Variants in PIK3CA observed in about 807,000 individuals in gnomAD.
PIK3CA encodes phosphatidylinositol 4,5-bisphosphate 3-kinase catalytic subunit alpha isoform.
PIK3CA carries 27 observed loss-of-function variants against 138.2 expected under a neutral mutation model. The ratio of observed to expected loss-of-function variants is 0.20; its 90% CI spans 0.14 to 0.27. PIK3CA has a LOEUF of 0.27. Among genes scored for constraint, PIK3CA ranks in the 10% least tolerant of loss-of-function variants. PIK3CA has a pLI of 1.00. For synonymous variants in PIK3CA, 358 were observed against 413.2 expected (o/e 0.87, Z 1.62); for missense variants, 544 against 1,277.4 (o/e 0.43, Z 8.75).
intron 4 of PIK3CA, among the ~76,000 whole-genome samples, chr3:179,202,376 G>A (rs977105210): frequency 8.5e-5 from 13 of 152,058 alleles, no homozygotes; most frequent in Admixed American, 7.9e-4. Context: ...AGCCTATTTC[G>A]TGATTTTTAT....
In PIK3CA at chr3:179,240,073, T is replaced by TAA; in HGVS notation, c.*5719_*5720dup. ...CAGTCTGTAACATCACGCTGTTTAT[T>TAA]AAAAAAAAAAAGAAAAATTACTTTT... On this transcript the variant is annotated 3_prime_UTR_variant, in exon 21 of 21. Coordinates refer to ENST00000263967, the MANE Select transcript of PIK3CA (RefSeq NM_006218.4). The TAA allele has an allele frequency of 7.0e-5, 85 of 1,215,718 alleles. No individual in the cohort carries two copies. The highest frequency in any genetic ancestry group is 2.1e-4 in the Middle Eastern group (1 of 4,858). The allele number at this position is 1,215,718 out of a possible 1,614,324, so 75.3% of individuals were successfully genotyped here.
intron 1 of PIK3CA, among the ~76,000 whole-genome samples, chr3:179,171,420 A>C (rs143183426): frequency 6.6e-6 from 1 of 152,154 alleles, no homozygotes; most frequent in Non-Finnish European, 1.5e-5. Flanking sequence ...TACCAAAGTA[A>C]GTAGAAGAAA....
At position 179,199,911 on chromosome 3, in the gene PIK3CA, ACTAAT is replaced by A; in HGVS notation, c.562+16_562+20del. 1 of 1,445,628 alleles carries A rather than the reference ACTAAT, an allele frequency of 6.9e-7. No homozygotes were observed. Among genetic ancestry groups the A allele is most frequent in the Non-Finnish European group, 9.7e-7 (1 of 1,027,650 alleles). 89.6% of individuals were successfully genotyped at this position (1,445,628 alleles called of 1,614,324 possible). On this transcript the variant is annotated intron_variant, in intron 3 of 20. Transcript: ENST00000263967. ...TAAATTAGATAAAGGTAAGAAAATG[ACTAAT>A]CTACTCTAATCATTACTATAGTGCA...
At chr3:179,177,991 G>A (rs61796465) in intron 1 of PIK3CA, among the ~76,000 whole-genome samples, 14,955 of 151,230 alleles carry the variant, frequency 0.099, 1,180 homozygotes, top group African/African-American at 0.21. Context: ...TTTAATCCCA[G>A]TGCTCTGGGA....
Position 179,170,056 on chromosome 3 carries a change from GC to G in PIK3CA, c.-77+21454del, listed in dbSNP as rs202195878. Among the ~76,000 whole-genome samples, 234 of 120,006 alleles carry G rather than the reference GC, an allele frequency of 1.9e-3. 1 individual carries two copies. The East Asian group carries it at 0.034, about 17-fold the overall frequency. 78.7% of individuals were successfully genotyped at this position (120,006 alleles called of 152,430 possible). A position where few individuals can be genotyped will look rare whatever the true frequency, so the allele number is the denominator to read the frequency against. Reference sequence around the variant, plus strand: ...CTTTCTCCAGCACAGACATGCACATGCGCGTGCACACGCGCGCGCGCACACA... The same window carrying G: ...CTTTCTCCAGCACAGACATGCACATGGCGTGCACACGCGCGCGCGCACACA... On this transcript the variant is annotated intron_variant, in intron 1 of 20. Transcript: ENST00000263967.
At chr3:179,221,190 T>A (rs1401491792) in intron 14 of PIK3CA, 33 bp downstream of exon 14, 6 of 1,524,904 alleles carry the variant, frequency 3.9e-6, no homozygotes, top group Non-Finnish European at 5.5e-6. Context: ...TGAGACTCTT[T>A]TCACTGCAGT....
rs1725026136 is a variant in PIK3CA, at chr3:179,224,063, T to TC, written c.2188-16dup. The TC allele has an allele frequency of 1.5e-6, 2 of 1,367,696 alleles. No homozygotes were observed. Among genetic ancestry groups the TC allele is most frequent in the South Asian group, 1.2e-5 (1 of 83,646 alleles). The allele number at this position is 1,367,696 out of a possible 1,614,324, so 84.7% of individuals were successfully genotyped here. On this transcript the variant is annotated splice_polypyrimidine_tract_variant and intron_variant, in intron 14 of 20. Transcript: ENST00000263967. ...TTAAGTCAGTTTCTTACTGTGACTA[T>TC]CCTTTTTTTTTAATCAGGTACAGAT...
chr3:179,224,583 G>A (rs1362562510), intron 15 of PIK3CA, 117 bp from the exon 16 acceptor site: 16 of 606,312 alleles, frequency 2.6e-5, no homozygotes, highest in Non-Finnish European at 3.6e-5. Flanking sequence ...TGAGGTGAAA[G>A]TTGTAAATCT....
chr3:179,213,590 T>C (rs1381761126), intron 9 of PIK3CA, among the ~76,000 whole-genome samples: 1 of 152,228 alleles, frequency 6.6e-6, no homozygotes, highest in Non-Finnish European at 1.5e-5. Flanking sequence ...CCCTTCCTTA[T>C]GTGAAAGATT....
chr3:179,239,230 A>G lies in PIK3CA; in HGVS notation c.*4866A>G, dbSNP rs1418172923. 1 of 205,758 alleles carries G rather than the reference A, an allele frequency of 4.9e-6. No homozygotes were observed. Among genetic ancestry groups the G allele is most frequent in the East Asian group, 7.4e-5 (1 of 13,536 alleles). The allele number at this position is 205,758 out of a possible 1,614,324, so 12.7% of individuals were successfully genotyped here. A position where few individuals can be genotyped will look rare whatever the true frequency, so the allele number is the denominator to read the frequency against. On this transcript the variant is annotated 3_prime_UTR_variant, in exon 21 of 21. Coordinates refer to ENST00000263967, the MANE Select transcript of PIK3CA (RefSeq NM_006218.4). Reference sequence around the variant, plus strand: ...GTATTTTTTTAGCCAGTTAAAGTCTATGAATCTATCTGCAACCTTATTTAA... The same window carrying G: ...GTATTTTTTTAGCCAGTTAAAGTCTGTGAATCTATCTGCAACCTTATTTAA...
At chr3:179,186,810 G>A (rs1279027424) in intron 1 of PIK3CA, among the ~76,000 whole-genome samples, 1 of 152,116 alleles carries the variant, frequency 6.6e-6, no homozygotes, top group East Asian at 1.9e-4. Flanking sequence ...TCCGTATTTT[G>A]CATTTCCTTT....
At position 179,159,144 on chromosome 3, in the gene PIK3CA, G is replaced by A. The variant is rs185729982; in HGVS notation, c.-77+10541G>A. On this transcript the variant is annotated intron_variant, in intron 1 of 20. Coordinates refer to ENST00000263967, the MANE Select transcript of PIK3CA (RefSeq NM_006218.4). ...TTTTGTTGTAATTGTTTTCATTGTT[G>A]TGTGCTTTTAAAGAATGACTTTTAT... Among the ~76,000 whole-genome samples, 495 of 152,128 alleles carry A rather than the reference G, an allele frequency of 3.3e-3. 1 individual carries two copies. The highest frequency in any genetic ancestry group is 5.5e-3 in the Non-Finnish European group (371 of 67,986).
intron 2 of PIK3CA, 41 bp from the exon 3 acceptor site, chr3:179,199,645 GTGTA>G: frequency 7.6e-7 from 1 of 1,319,112 alleles, no homozygotes; most frequent in Non-Finnish European, 1.1e-6. Flanking sequence ...TGTTCATGCT[GTGTA>G]TGTAATAGAA....
Position 179,219,850 on chromosome 3 carries a change from A to G in PIK3CA, c.1912-99A>G. ...CTAACTAGTTTTATGCTTAAAAAAA[A>G]AAATTATTACCAGTAATATCCACTT... On this transcript the variant is annotated intron_variant, in intron 12 of 20. Coordinates refer to ENST00000263967, the MANE Select transcript of PIK3CA (RefSeq NM_006218.4). The surrounding 1 kb of genome is among the most constrained non-coding windows in gnomAD (Gnocchi z 4.2). 6.6e-7 allele frequency: 1 copy of G among 1,521,508 alleles called. No individual in the cohort carries two copies. Among genetic ancestry groups the G allele is most frequent in the Non-Finnish European group, 8.9e-7 (1 of 1,124,702 alleles). 94.3% of individuals were successfully genotyped at this position (1,521,508 alleles called of 1,614,324 possible).
chr3:179,164,881 G>A (rs889563748), intron 1 of PIK3CA, among the ~76,000 whole-genome samples: 1 of 150,822 alleles, frequency 6.6e-6, no homozygotes, highest in Admixed American at 6.6e-5. Context: ...AAAAAAAAAA[G>A]AAAAAGAAAA....
chr3:179,224,608 AAAG>A, intron 15 of PIK3CA, 89 bp from the exon 16 acceptor site: 1 of 775,298 alleles, frequency 1.3e-6, no homozygotes, highest in Middle Eastern at 3.9e-4. Context: ...AACACTTCAA[AAAG>A]CTATATTGTA....
chr3:179,156,374 G>A (rs1307552726), intron 1 of PIK3CA, among the ~76,000 whole-genome samples: 2 of 152,142 alleles, frequency 1.3e-5, no homozygotes, highest in East Asian at 3.8e-4. Flanking sequence ...GGGTTATAAA[G>A]GCCAGCAGAC....
chr3:179,205,962 G>A (rs773955077), intron 6 of PIK3CA, among the ~76,000 whole-genome samples: 24 of 152,114 alleles, frequency 1.6e-4, no homozygotes, highest in Non-Finnish European at 3.2e-4. Context: ...AAGGTTAAAA[G>A]AGATGGTAGC....
intron 17 of PIK3CA, among the ~76,000 whole-genome samples, chr3:179,227,517 G>C (rs1725110915): frequency 6.6e-6 from 1 of 151,998 alleles, no homozygotes; most frequent in Non-Finnish European, 1.5e-5. Context: ...ACAATTTGTA[G>C]GGCCAGGGCT....
Sources: allele counts gnomAD v4.1 joint callset (sites outside exome capture counted in the v4.1 genomes callset), GRCh38; gene constraint gnomAD v4.1.1; non-coding constraint Gnocchi (gnomAD v3.1); transcripts MANE v1.5; gene names NCBI Gene and HGNC (gene_info 2026-07-23, HGNC 2026-07-21).